SHANK2: variants seen among roughly 807,000 people sequenced by gnomAD.
SHANK2 encodes the protein SH3 and multiple ankyrin repeat domains 2, also known as SH3 and multiple ankyrin repeat domains protein 2.
In SHANK2, 43 loss-of-function variants were observed where a neutral mutation model predicts 133.7. The ratio of observed to expected loss-of-function variants is 0.32; its 90% CI spans 0.25 to 0.41. SHANK2 has a LOEUF of 0.41. SHANK2 is among the 10% of genes least tolerant of loss of function. The pLI is 1.00. For synonymous variants in SHANK2, 1,017 were observed against 952.8 expected, an observed-to-expected ratio of 1.07 and a Z score of -1.24; for missense variants, 1,994 against 2,235.8, an observed-to-expected ratio of 0.89 and a Z score of 2.18.
chr11:70,832,513 C>G (rs528371170), intron 11 of SHANK2, among the ~76,000 whole-genome samples: 1 of 152,212 alleles, frequency 6.6e-6, no homozygotes, highest in Non-Finnish European at 1.5e-5. Context: ...GTCCAGCCCT[C>G]CTCCCTGCCC....
At chr11:70,526,591 A>G (rs2059400590) in intron 17 of SHANK2, among the ~76,000 whole-genome samples, 1 of 152,176 alleles carries the variant, frequency 6.6e-6, no homozygotes, top group South Asian at 2.1e-4. Flanking sequence ...GTGCTTAGCC[A>G]GCGTATCCTC....
chr11:70,712,706 C>T (rs548356448), intron 14 of SHANK2, among the ~76,000 whole-genome samples: 103 of 152,350 alleles, frequency 6.8e-4, no homozygotes, highest in Non-Finnish European at 1.4e-3. Context: ...CAGACTGAGC[C>T]GCCAGCACGA....
chr11:70,832,542 C>T (rs1229539555), intron 11 of SHANK2, among the ~76,000 whole-genome samples: 1 of 152,208 alleles, frequency 6.6e-6, no homozygotes, highest in Non-Finnish European at 1.5e-5. Flanking sequence ...GGCAGTGATC[C>T]CTAGTGCTCT....
chr11:70,599,605 CAAAAAAAAAAAAAAAAAAAAAAA>C (rs1160187418), intron 17 of SHANK2, among the ~76,000 whole-genome samples: 2 of 30,318 alleles, frequency 6.6e-5, no homozygotes, highest in Non-Finnish European at 5.4e-5. Context: ...GACTCCGTCT[CAAAAAAAAAAAAAAAAAAAAAAA>C]AAAAAAAAAA....
rs553103084 is a variant in SHANK2 at position 70,473,244 on chromosome 11, G to C, written c.5175C>G (p.Pro1725=). The change falls in exon 26 of 26, where the codon CCC becomes CCG. Residue 1725 remains proline (P), a synonymous_variant. Coordinates refer to ENST00000601538, the MANE Select transcript of SHANK2 (RefSeq NM_012309.5). The surrounding 1 kb of genome is among the most constrained non-coding windows in gnomAD (Gnocchi z 5.9). Reference sequence around the variant, plus strand: ...AAGGAGAGGCGGTGGCAGCAGACAGGGGGGCGGGCAGGGTCTCTTTGTTCA... The same window carrying C: ...AAGGAGAGGCGGTGGCAGCAGACAGCGGGGCGGGCAGGGTCTCTTTGTTCA... The part of the protein sequence containing the change: ...TEMNKETLPA[P]LSAATASPSP... 4.3e-6 allele frequency: 7 copies of C among 1,610,332 alleles called. No homozygotes were observed. The East Asian group carries it at 6.7e-5, about 15-fold the overall frequency.
chr11:71,124,559 A>G (rs374977185), intron 3 of SHANK2, among the ~76,000 whole-genome samples: 3 of 151,962 alleles, frequency 2.0e-5, no homozygotes, highest in African/African-American at 7.3e-5. Flanking sequence ...TTATATAATA[A>G]TATTATTCTC....
intron 17 of SHANK2, among the ~76,000 whole-genome samples, chr11:70,549,835 C>T (rs775561000): frequency 6.6e-5 from 10 of 152,256 alleles, no homozygotes; most frequent in Non-Finnish European, 1.2e-4. Context: ...CTCACCATAC[C>T]TCCATGTTTG....
intron 17 of SHANK2, among the ~76,000 whole-genome samples, chr11:70,556,054 C>T (rs2059824811): frequency 6.6e-6 from 1 of 152,242 alleles, no homozygotes; most frequent in Non-Finnish European, 1.5e-5. Flanking sequence ...GCAGCAAGTT[C>T]TCCAGAAGAT....
intron 1 of SHANK2, among the ~76,000 whole-genome samples, chr11:71,233,414 T>A (rs1954776424): frequency 6.6e-6 from 1 of 152,140 alleles, no homozygotes; most frequent in Non-Finnish European, 1.5e-5. Context: ...ATGCTCAGAA[T>A]GGGCAAACTC....
In SHANK2 at chr11:71,092,400, G is replaced by A. The variant is rs908718328; in HGVS notation, c.912+22C>T. ...GAAGTCAGTTCGTGGGTACAACAGA[G>A]TGGAGAAGCGGGCCCACGTACCTGG... is the stretch of plus-strand genomic sequence containing the variant. On this transcript the variant is annotated intron_variant, in intron 8 of 25. Transcript: ENST00000601538. 4 of 1,550,790 alleles carry A rather than the reference G, an allele frequency of 2.6e-6. No individual in the cohort carries two copies. In the African/African-American group the frequency reaches 4.1e-5, roughly 16 times the overall value.
At chr11:70,700,814 A>C (rs1945503089) in intron 14 of SHANK2, among the ~76,000 whole-genome samples, 1 of 152,180 alleles carries the variant, frequency 6.6e-6, no homozygotes, top group Non-Finnish European at 1.5e-5. Flanking sequence ...CACAGGCTGG[A>C]TGAGGGGCCC....
At chr11:71,116,151 T>G (rs535107601) in intron 4 of SHANK2, among the ~76,000 whole-genome samples, 3 of 152,218 alleles carry the variant, frequency 2.0e-5, no homozygotes, top group Non-Finnish European at 4.4e-5. Flanking sequence ...GGCATCACCT[T>G]AGCCCTGGGT....
At chr11:70,523,012 C>T (rs1011697181) in intron 17 of SHANK2, among the ~76,000 whole-genome samples, 1 of 152,230 alleles carries the variant, frequency 6.6e-6, no homozygotes, top group South Asian at 2.1e-4. Context: ...CACAGTGCCA[C>T]GAGGTCTCCG....
chr11:70,841,813 G>A (rs897862804), intron 11 of SHANK2, among the ~76,000 whole-genome samples: 6 of 152,110 alleles, frequency 3.9e-5, no homozygotes, highest in South Asian at 2.1e-4. Context: ...CTGATCTACA[G>A]ACCTTCTCAG....
intron 17 of SHANK2, among the ~76,000 whole-genome samples, chr11:70,630,849 G>C (rs1370207500): frequency 5.3e-5 from 8 of 152,186 alleles, no homozygotes; most frequent in African/African-American, 4.8e-5. Flanking sequence ...TGGTGGCTTT[G>C]AACCCTTTGT....
intron 11 of SHANK2, among the ~76,000 whole-genome samples, chr11:70,844,655 C>T (rs1948968205): frequency 6.6e-6 from 1 of 152,194 alleles, no homozygotes; most frequent in South Asian, 2.1e-4. Context: ...ATGACAAATT[C>T]CTCAGACAGG....
Position 70,485,303 on chromosome 11 carries a change from C to A in SHANK2, c.4979+11G>T, listed in dbSNP as rs537500582. ...CAGAGCGGTGTGCATGTGCACCAAC[C>A]GCGGACTTACCTTGGAGCGAGGCTG... On this transcript the variant is annotated intron_variant, in intron 25 of 25. Transcript: ENST00000601538. The surrounding 1 kb of genome is among the most constrained non-coding windows in gnomAD (Gnocchi z 5.8). 1.2e-6 allele frequency: 2 copies of A among 1,611,854 alleles called. No homozygotes were observed. Among genetic ancestry groups the A allele is most frequent in the African/African-American group, 1.3e-5 (1 of 74,916 alleles).
chr11:70,874,698 A>AAAT (rs57723818), intron 11 of SHANK2, among the ~76,000 whole-genome samples: 3 of 150,768 alleles, frequency 2.0e-5, no homozygotes, highest in African/African-American at 7.3e-5. Context: ...AAAAAAAAAA[A>AAAT]TTCCACCTTG....
intron 2 of SHANK2, among the ~76,000 whole-genome samples, chr11:71,211,363 AC>A (rs67815881): frequency 0.29 from 43,926 of 151,190 alleles, 8,138 homozygotes; most frequent in African/African-American, 0.52. Context: ...ACATGGAGAA[AC>A]CCCATCTCTA....
Sources: gnomAD v4.1 joint callset for allele counts (sites outside exome capture counted in the v4.1 genomes callset) on GRCh38, gnomAD v4.1.1 for gene constraint, Gnocchi (gnomAD v3.1) non-coding constraint, MANE v1.5 for transcripts, NCBI Gene and HGNC (gene_info 2026-07-23, HGNC 2026-07-21) for gene names.